Variants in ABCA13 observed in about 807,000 individuals in gnomAD.
The protein encoded by ABCA13 is ATP binding cassette subfamily A member 13, also known as ATP-binding cassette sub-family A member 13.
In ABCA13, 476 loss-of-function variants were observed where a neutral mutation model predicts 478.7. The observed-to-expected ratio is 0.99, with a 90% CI of 0.92 to 1.07. The LOEUF (loss-of-function observed/expected upper bound fraction) is 1.07, where lower values mean the gene tolerates loss of function less well. Ranked by LOEUF, ABCA13 falls within the 50% of genes least tolerant of loss-of-function variation. The pLI is 0.00. For missense variants in ABCA13, 6,060 were observed against 5,910.6 expected (o/e 1.03, Z -0.83); for synonymous variants, 2,252 against 2,158.9 (o/e 1.04, Z -1.20).
intron 42 of ABCA13, among the ~76,000 whole-genome samples, chr7:48,443,438 G>A (rs542083810): frequency 8.7e-4 from 133 of 152,108 alleles, no homozygotes; most frequent in Non-Finnish European, 1.4e-3. Flanking sequence ...CAGCACTCAC[G>A]CATCCTCTGT....
At chr7:48,309,792 GAA>G (rs1801481753) in intron 23 of ABCA13, among the ~76,000 whole-genome samples, 153 bp from the exon 24 acceptor site, 1 of 152,158 alleles carries the variant, frequency 6.6e-6, no homozygotes, top group Admixed American at 6.5e-5. Flanking sequence ...GTTGAGAATC[GAA>G]CCCCAGTTTG....
At chr7:48,475,412 TGTGTGCTATCCA>T (rs1827970813) in intron 45 of ABCA13, among the ~76,000 whole-genome samples, 1 of 151,984 alleles carries the variant, frequency 6.6e-6, no homozygotes, top group African/African-American at 2.4e-5. Flanking sequence ...CTTAAATACA[TGTGTGCTATCCA>T]GCAGCCCTGG....
At chr7:48,599,389 A>G (rs1023372181) in intron 58 of ABCA13, among the ~76,000 whole-genome samples, 2 of 151,820 alleles carry the variant, frequency 1.3e-5, no homozygotes, top group Admixed American at 6.6e-5. Flanking sequence ...TTTATAAAAC[A>G]CCATATTTTA....
intron 28 of ABCA13, among the ~76,000 whole-genome samples, chr7:48,336,416 T>G (rs1046405756): frequency 6.6e-6 from 1 of 152,188 alleles, no homozygotes; most frequent in Non-Finnish European, 1.5e-5. Context: ...CTAGACAGGT[T>G]GGAAGCAAGG....
chr7:48,489,792 T>C (rs902574069), intron 48 of ABCA13, among the ~76,000 whole-genome samples: 3 of 152,218 alleles, frequency 2.0e-5, no homozygotes, highest in African/African-American at 4.8e-5. Context: ...ATGTTGATCA[T>C]TGATTCATTA....
chr7:48,341,914 C>CTCATATATATATAT (rs1563084943), intron 29 of ABCA13, among the ~76,000 whole-genome samples: 16 of 37,304 alleles, frequency 4.3e-4, no homozygotes, highest in South Asian at 2.9e-3. Context: ...TATATATATA[C>CTCATATATATATAT]TCATATATAT....
chr7:48,240,415 A>T (rs938968623), intron 9 of ABCA13, among the ~76,000 whole-genome samples: 2 of 152,210 alleles, frequency 1.3e-5, no homozygotes, highest in Admixed American at 1.3e-4. Context: ...TGTAATGTTG[A>T]TGACAAACCA....
chr7:48,385,123 C>T (rs1814978864), intron 35 of ABCA13, among the ~76,000 whole-genome samples: 1 of 152,150 alleles, frequency 6.6e-6, no homozygotes, highest in Non-Finnish European at 1.5e-5. Flanking sequence ...GAACAGCTTC[C>T]CTTCACTTTA....
Position 48,279,471 on chromosome 7 carries a change from T to C in ABCA13, c.8277T>C (p.Asn2759=). The change falls in exon 18 of 62, where the codon AAT becomes AAC. Residue 2759 remains asparagine, a synonymous_variant. Transcript: ENST00000435803. ...NLKKDNWNVS[N]VLMTFTQHPN... is the part of the protein sequence containing the mutation. ...AGAAAGATAATTGGAATGTTTCTAATGTGTTGATGACATTTACTCAGCATC... is the reference window on the plus strand; with the variant it reads ...AGAAAGATAATTGGAATGTTTCTAACGTGTTGATGACATTTACTCAGCATC... The C allele has an allele frequency of 6.2e-7, 1 of 1,611,504 alleles. No individual in the cohort carries two copies. The highest frequency in any genetic ancestry group is 8.5e-7 in the Non-Finnish European group (1 of 1,178,402).
At chr7:48,283,012 A>G (rs1797256691) in intron 19 of ABCA13, among the ~76,000 whole-genome samples, 1 of 152,194 alleles carries the variant, frequency 6.6e-6, no homozygotes, top group South Asian at 2.1e-4. Flanking sequence ...AAATCTGTTC[A>G]TGGGGGAGTG....
At position 48,273,867 on chromosome 7, in the gene ABCA13, A is replaced by G; in HGVS notation, c.4201A>G (p.Ile1401Val). Residue 1401 changes from isoleucine (I) to valine (V), a missense_variant, in exon 17 of 62, where the codon ATA (isoleucine) becomes GTA (valine). Around this residue, in one of 3 missense-constraint regions of ABCA13, gnomAD observed 4,423 missense variants for 4,309.1 expected, o/e 1.03. Transcript: ENST00000435803. Reference protein sequence around the residue: ...LKGCIVWLDVINHLYLLSNSS... With the variant: ...LKGCIVWLDVVNHLYLLSNSS... Reference sequence around the variant, plus strand: ...AGGATGCATTGTATGGTTAGATGTCATAAACCATTTGTATTTGTTGTCTAA... The same window carrying G: ...AGGATGCATTGTATGGTTAGATGTCGTAAACCATTTGTATTTGTTGTCTAA... The G allele has an allele frequency of 6.2e-7, 1 of 1,612,642 alleles. No homozygotes were observed. The highest frequency in any genetic ancestry group is 8.5e-7 in the Non-Finnish European group (1 of 1,179,128).
At chr7:48,450,972 C>CTTTTTTTTTTTTT (rs11423408) in intron 42 of ABCA13, among the ~76,000 whole-genome samples, 1 of 139,686 alleles carries the variant, frequency 7.2e-6, no homozygotes, top group African/African-American at 2.7e-5. Flanking sequence ...TTATTATATT[C>CTTTTTTTTTTTTT]TTTTTTTTTT....
chr7:48,245,987 A>T lies in ABCA13; in HGVS notation c.1616A>T (p.Glu539Val), dbSNP rs779374959. Residue 539 changes from glutamate to valine, a missense_variant, in exon 13 of 62, where the codon GAG becomes GTG. Glu to Val is a moderately radical substitution (Grantham distance 121). This residue lies in a region of ABCA13 where 4,423 missense variants were observed against 4,309.1 expected (regional missense o/e 1.03). Coordinates refer to ENST00000435803, the MANE Select transcript of ABCA13 (RefSeq NM_152701.5). ...QGLLCYCNSS[E>V]TSVLNKLLGS... ...CTGTTGTGCTATTGTAACTCCTCTGAGACGAGTGTTTTAAACAAGCTACTT... is the reference window on the plus strand; with the variant it reads ...CTGTTGTGCTATTGTAACTCCTCTGTGACGAGTGTTTTAAACAAGCTACTT... The T allele has an allele frequency of 1.2e-5, 19 of 1,613,790 alleles. No homozygotes were observed. The highest frequency in any genetic ancestry group is 1.6e-5 in the Non-Finnish European group (19 of 1,179,784).
At position 48,372,581 on chromosome 7, in the gene ABCA13, CT is replaced by C. The variant is rs1168750694; in HGVS notation, c.11133+89del. On this transcript the variant is annotated intron_variant, in intron 33 of 61. Transcript: ENST00000435803. Reference sequence around the variant, plus strand: ...ACAAGACAAAATCCCACCACTCTCACTTTTTCAATTTGTCATGTTCATATCT... The same window carrying C: ...ACAAGACAAAATCCCACCACTCTCACTTTTCAATTTGTCATGTTCATATCT... 4.4e-5 allele frequency: 50 copies of C among 1,146,850 alleles called. No homozygotes were observed. In the African/African-American group the frequency reaches 6.4e-4, roughly 15 times the overall value. The allele number at this position is 1,146,850 out of a possible 1,614,324, so 71.0% of individuals were successfully genotyped here. A position where few individuals can be genotyped will look rare whatever the true frequency, so the allele number is the denominator to read the frequency against.
At chr7:48,368,728 C>T (rs1436233852) in intron 32 of ABCA13, among the ~76,000 whole-genome samples, 1 of 142,326 alleles carries the variant, frequency 7.0e-6, no homozygotes, top group Admixed American at 7.0e-5. Flanking sequence ...CATACACACA[C>T]ACATTTATAT....
chr7:48,303,651 G>A (rs28641578), intron 23 of ABCA13, among the ~76,000 whole-genome samples: 1 of 151,936 alleles, frequency 6.6e-6, no homozygotes, highest in Non-Finnish European at 1.5e-5. Flanking sequence ...ATAGGTTTAC[G>A]GCCTTATTTC....
At chr7:48,199,523 G>A (rs756718623) in intron 3 of ABCA13, among the ~76,000 whole-genome samples, 1 of 152,202 alleles carries the variant, frequency 6.6e-6, no homozygotes, top group East Asian at 1.9e-4. Context: ...AATCACCTCC[G>A]CTATATCATC....
chr7:48,295,838 G>C lies in ABCA13; in HGVS notation c.9094G>C (p.Glu3032Gln), dbSNP rs540653821. The C allele has an allele frequency of 3.1e-6, 5 of 1,613,236 alleles. No individual in the cohort carries two copies. Among genetic ancestry groups the C allele is most frequent in the South Asian group, 1.1e-5 (1 of 91,020 alleles). ...GGACTGCACAAGCCAGCCGAGGCTGGAGACGGTGCAGCAGCACTTGTACAT... is the reference window on the plus strand; with the variant it reads ...GGACTGCACAAGCCAGCCGAGGCTGCAGACGGTGCAGCAGCACTTGTACAT... ...GQDCTSQPRLETVQQHLYMLA... is the reference protein window; with the variant it reads ...GQDCTSQPRLQTVQQHLYMLA... Residue 3032 changes from glutamate to glutamine, a missense_variant, in exon 21 of 62, where the codon GAG (glutamate) becomes CAG (glutamine). Around this residue, in one of 3 missense-constraint regions of ABCA13, gnomAD observed 4,423 missense variants for 4,309.1 expected, o/e 1.03. Coordinates refer to ENST00000435803, the MANE Select transcript of ABCA13 (RefSeq NM_152701.5).
chr7:48,237,012 GTTTTTT>G (rs35078208), intron 8 of ABCA13, among the ~76,000 whole-genome samples: 8 of 130,918 alleles, frequency 6.1e-5, no homozygotes, highest in African/African-American at 2.0e-4. Flanking sequence ...AGAGGGTAGG[GTTTTTT>G]TTTTTTTTTT....
Sources: allele counts gnomAD v4.1 joint callset (sites outside exome capture counted in the v4.1 genomes callset), GRCh38; gene constraint gnomAD v4.1.1; regional missense constraint gnomAD v4.1.1; transcripts MANE v1.5; gene names NCBI Gene and HGNC (gene_info 2026-07-23, HGNC 2026-07-21).